MACROD2: variants seen among roughly 807,000 people sequenced by gnomAD.
MACROD2 encodes the protein ADP-ribose glycohydrolase MACROD2.
In MACROD2, 36 loss-of-function variants were observed where a neutral mutation model predicts 70.4. The ratio of observed to expected loss-of-function variants is 0.51; its 90% CI spans 0.39 to 0.68. The LOEUF is 0.68. MACROD2 is among the 30% of genes least tolerant of loss of function. The probability of loss-of-function intolerance (pLI) is 0.00; values close to 1 mark genes in which losing one functional copy is unlikely to be tolerated. For missense variants in MACROD2, 496 were observed against 538.4 expected (o/e 0.92, Z 0.78); for synonymous variants, 172 against 178.8 (o/e 0.96, Z 0.30).
At chr20:14,360,936 A>C (rs2083215381) in intron 3 of MACROD2, among the ~76,000 whole-genome samples, 1 of 152,210 alleles carries the variant, frequency 6.6e-6, no homozygotes, top group African/African-American at 2.4e-5. Context: ...AAGGGAAGAT[A>C]TCTCACAGAA....
At chr20:14,658,734 C>A (rs1214868594) in intron 4 of MACROD2, among the ~76,000 whole-genome samples, 1 of 152,160 alleles carries the variant, frequency 6.6e-6, no homozygotes, top group Non-Finnish European at 1.5e-5. Context: ...CTGGCTCAGC[C>A]TCCTCAGTAG....
intron 8 of MACROD2, among the ~76,000 whole-genome samples, chr20:15,724,388 A>G (rs746626171): frequency 3.2e-4 from 48 of 152,110 alleles, no homozygotes; most frequent in Non-Finnish European, 6.5e-4. Flanking sequence ...ATTCTCTAAG[A>G]GTCTTATAGT....
chr20:14,573,224 A>C (rs1049319851), intron 4 of MACROD2, among the ~76,000 whole-genome samples: 34 of 152,232 alleles, frequency 2.2e-4, no homozygotes, highest in African/African-American at 7.5e-4. Flanking sequence ...TTGAAAACTG[A>C]GTATAGTAAT....
intron 16 of MACROD2, among the ~76,000 whole-genome samples, chr20:16,041,666 A>G (rs1179214337): frequency 1.3e-5 from 2 of 151,938 alleles, no homozygotes; most frequent in Non-Finnish European, 2.9e-5. Context: ...GGAGAGCCCT[A>G]CCTTTGGTGT....
At chr20:15,832,506 T>G (rs759104853) in intron 8 of MACROD2, among the ~76,000 whole-genome samples, 1 of 152,118 alleles carries the variant, frequency 6.6e-6, no homozygotes, top group African/African-American at 2.4e-5. Context: ...GGATGAACTG[T>G]CCCATGTAGA....
At chr20:14,233,622 G>A (rs1438818329) in intron 3 of MACROD2, among the ~76,000 whole-genome samples, 21 of 147,582 alleles carry the variant, frequency 1.4e-4, no homozygotes, top group Non-Finnish European at 2.4e-4. Flanking sequence ...GCCTGAACCC[G>A]GGAGGCAGAG....
chr20:15,513,337 A>G (rs1048322778), intron 8 of MACROD2, among the ~76,000 whole-genome samples: 1 of 152,230 alleles, frequency 6.6e-6, no homozygotes, highest in African/African-American at 2.4e-5. Context: ...GTGATGATAA[A>G]TGTATTCTCT....
intron 8 of MACROD2, among the ~76,000 whole-genome samples, chr20:15,742,865 G>A (rs1194103088): frequency 6.6e-6 from 1 of 152,176 alleles, no homozygotes; most frequent in Non-Finnish European, 1.5e-5. Flanking sequence ...TGAATTACAT[G>A]AAAGCCAGCT....
intron 3 of MACROD2, among the ~76,000 whole-genome samples, chr20:14,386,168 G>GAC (rs1159615451): frequency 6.6e-6 from 1 of 152,194 alleles, no homozygotes; most frequent in African/African-American, 2.4e-5. Flanking sequence ...ACAATAAAGA[G>GAC]ACTCACCCAA....
intron 5 of MACROD2, among the ~76,000 whole-genome samples, chr20:14,721,167 A>G (rs2071464159): frequency 6.7e-6 from 1 of 150,092 alleles, no homozygotes; most frequent in Non-Finnish European, 1.5e-5. Context: ...AGGCAGGAGA[A>G]TTGCTTGAAC....
intron 8 of MACROD2, among the ~76,000 whole-genome samples, chr20:15,655,142 GTGTA>G (rs1309739815): frequency 2.0e-5 from 3 of 151,824 alleles, no homozygotes; most frequent in Admixed American, 6.6e-5. Flanking sequence ...TGTGTGTTGT[GTGTA>G]TGTATGTGTG....
intron 3 of MACROD2, among the ~76,000 whole-genome samples, chr20:14,227,377 C>T (rs1046740952): frequency 6.6e-6 from 1 of 152,144 alleles, no homozygotes; most frequent in Non-Finnish European, 1.5e-5. Context: ...TCTTTGGGTC[C>T]ACGCTACCTT....
chr20:15,162,739 C>T (rs1284899727), intron 5 of MACROD2, among the ~76,000 whole-genome samples: 1 of 151,934 alleles, frequency 6.6e-6, no homozygotes, highest in East Asian at 1.9e-4. Context: ...CTTTTAAGAG[C>T]AAGAATAAAA....
intron 3 of MACROD2, among the ~76,000 whole-genome samples, chr20:14,150,599 G>T (rs760560300): frequency 2.0e-5 from 3 of 152,112 alleles, no homozygotes; most frequent in Non-Finnish European, 4.4e-5. Context: ...TCTCATTTTT[G>T]ATTAGTACAG....
At chr20:15,652,069 C>A (rs955633618) in intron 8 of MACROD2, among the ~76,000 whole-genome samples, 6 of 152,120 alleles carry the variant, frequency 3.9e-5, no homozygotes, top group Non-Finnish European at 5.9e-5. Context: ...GGCCCAGAAC[C>A]TTGCTCACAG....
intron 5 of MACROD2, among the ~76,000 whole-genome samples, chr20:15,096,853 C>T (rs1171347343): frequency 2.1e-5 from 3 of 144,070 alleles, no homozygotes; most frequent in Non-Finnish European, 4.5e-5. Flanking sequence ...ACTCTGTTGC[C>T]CAGGCTAGAG....
chr20:15,017,698 G>T (rs2075132653), intron 5 of MACROD2, among the ~76,000 whole-genome samples: 1 of 152,222 alleles, frequency 6.6e-6, no homozygotes, highest in Admixed American at 6.5e-5. Flanking sequence ...AATCTAGAAG[G>T]AGGTTCCCAA....
chr20:15,889,524 A>G (rs974637122), intron 10 of MACROD2, among the ~76,000 whole-genome samples: 2 of 152,206 alleles, frequency 1.3e-5, no homozygotes, highest in African/African-American at 4.8e-5. Context: ...AAGTAGAGGC[A>G]GGAGCATTTC....
At chr20:14,627,206 A>G (rs1445145528) in intron 4 of MACROD2, 1 of 152,236 alleles carries the variant, frequency 6.6e-6, no homozygotes, top group East Asian at 1.9e-4. Flanking sequence ...TATCCCCTAC[A>G]GAAATGAGAC....
Sources: allele counts gnomAD v4.1 joint callset (sites outside exome capture counted in the v4.1 genomes callset), GRCh38; gene constraint gnomAD v4.1.1; transcripts MANE v1.5; gene names NCBI Gene and HGNC (gene_info 2026-07-23, HGNC 2026-07-21).